The following THSD7B variants were observed in gnomAD, a reference collection of about 807,000 sequenced individuals.
THSD7B encodes the protein thrombospondin type 1 domain containing 7B.
Under a neutral mutation model 213.6 loss-of-function variants are expected in THSD7B, and 138 were observed. The observed-to-expected ratio is 0.65, with a 90% CI of 0.56 to 0.74. The LOEUF is 0.74. Ranked by LOEUF, THSD7B falls within the 30% of genes least tolerant of loss-of-function variation. THSD7B has a pLI of 0.00. For missense variants in THSD7B, 1,931 were observed against 1,991.5 expected, an observed-to-expected ratio of 0.97 and a Z score of 0.58; for synonymous variants, 742 against 687.0, an observed-to-expected ratio of 1.08 and a Z score of -1.25.
intron 1 of THSD7B, among the ~76,000 whole-genome samples, chr2:136,776,873 C>T (rs1022427651): frequency 4.6e-5 from 7 of 152,064 alleles, no homozygotes; most frequent in African/African-American, 1.7e-4. Context: ...CACACACACA[C>T]ATACAACCAG....
intron 2 of THSD7B, among the ~76,000 whole-genome samples, chr2:136,905,044 C>A (rs559884927): frequency 2.7e-4 from 41 of 152,292 alleles, no homozygotes; most frequent in African/African-American, 9.9e-4. Flanking sequence ...CTGTGTAATG[C>A]GATCCTCATG....
chr2:137,185,045 A>T (rs1171308196), intron 7 of THSD7B, among the ~76,000 whole-genome samples: 1 of 152,172 alleles, frequency 6.6e-6, no homozygotes, highest in African/African-American at 2.4e-5. Context: ...GTGGACAGCT[A>T]CATTATGGAG....
chr2:137,451,573 G>C (rs1010349285), intron 15 of THSD7B, among the ~76,000 whole-genome samples: 1 of 151,852 alleles, frequency 6.6e-6, no homozygotes, highest in Non-Finnish European at 1.5e-5. Flanking sequence ...AAAAATCATA[G>C]ATATTTTCAT....
intron 2 of THSD7B, among the ~76,000 whole-genome samples, chr2:136,959,371 T>C (rs1001057220): frequency 2.0e-5 from 3 of 152,216 alleles, no homozygotes; most frequent in Non-Finnish European, 4.4e-5. Context: ...TTATAGCATA[T>C]GTCAAAGTCA....
At chr2:137,373,685 A>C (rs1384698402) in intron 12 of THSD7B, among the ~76,000 whole-genome samples, 1 of 152,198 alleles carries the variant, frequency 6.6e-6, no homozygotes, top group Non-Finnish European at 1.5e-5. Context: ...TTTGCTGTGC[A>C]GAAGCTCTTT....
chr2:136,864,627 ACTG>A (rs1456686023), intron 1 of THSD7B, among the ~76,000 whole-genome samples: 4 of 151,462 alleles, frequency 2.6e-5, no homozygotes, highest in Admixed American at 2.0e-4. Flanking sequence ...ATCTCAGCTC[ACTG>A]CAAGCTCCAC....
At chr2:137,332,107 C>T (rs1453260434) in intron 12 of THSD7B, among the ~76,000 whole-genome samples, 1 of 152,106 alleles carries the variant, frequency 6.6e-6, no homozygotes. Flanking sequence ...AGTGGAAGCC[C>T]AGGCAGAGGA....
At chr2:136,828,622 G>A (rs369361369) in intron 1 of THSD7B, among the ~76,000 whole-genome samples, 65 of 152,268 alleles carry the variant, frequency 4.3e-4, no homozygotes, top group East Asian at 1.4e-3. Context: ...CTTGTGCTCC[G>A]TGCTTTTTGC....
In THSD7B at chr2:137,272,507, A is replaced by G. The variant is rs1416036818; in HGVS notation, c.2267-26A>G. ...CTGCATCAACATAAAAGGGCACTAT[A>G]TAATTTTCTTTTTCCTTTACTTCAG... On this transcript the variant is annotated intron_variant, in intron 10 of 27. Transcript: ENST00000409968. 3.8e-6 allele frequency: 6 copies of G among 1,587,736 alleles called. No homozygotes were observed. The African/African-American group carries it at 5.5e-5, about 14-fold the overall frequency.
chr2:137,223,578 C>T (rs6430696), intron 7 of THSD7B, among the ~76,000 whole-genome samples: 62,013 of 151,936 alleles, frequency 0.41, 12,784 homozygotes, highest in Middle Eastern at 0.49. Context: ...AACAAGTTGG[C>T]GTTATTTTTA....
At chr2:136,802,496 T>C (rs1028184099) in intron 1 of THSD7B, among the ~76,000 whole-genome samples, 5 of 151,594 alleles carry the variant, frequency 3.3e-5, no homozygotes, top group African/African-American at 1.2e-4. Context: ...TCTCCCCAAG[T>C]TGGCCCTCCT....
At chr2:136,970,520 A>C (rs1685388723) in intron 2 of THSD7B, among the ~76,000 whole-genome samples, 1 of 152,138 alleles carries the variant, frequency 6.6e-6, no homozygotes, top group Admixed American at 6.6e-5. Flanking sequence ...GAGTATAAGA[A>C]AGTATACAAA....
chr2:137,674,876 C>T (rs1425836992), intron 27 of THSD7B, among the ~76,000 whole-genome samples: 1 of 152,106 alleles, frequency 6.6e-6, no homozygotes, highest in Non-Finnish European at 1.5e-5. Context: ...TCTGCCAAAA[C>T]CATTTTTAAT....
intron 7 of THSD7B, among the ~76,000 whole-genome samples, chr2:137,212,925 T>C (rs184649040): frequency 1.5e-3 from 225 of 151,212 alleles, no homozygotes; most frequent in African/African-American, 4.7e-3. Flanking sequence ...TAGTTGATAC[T>C]GGATAAAAGT....
chr2:137,420,636 G>A lies in THSD7B; in HGVS notation c.2959+8764G>A, dbSNP rs372138174. Among the ~76,000 whole-genome samples the A allele has an allele frequency of 4.9e-4, 75 of 152,248 alleles. 6 individuals carry two copies. The South Asian group carries it at 0.015, about 31-fold the overall frequency. ...CTTCATCACTCTATCATCACAAACA[G>A]CTGGCAGAGTGTCAGCAAATCACAC... On this transcript the variant is annotated intron_variant, in intron 14 of 27. Transcript: ENST00000409968.
intron 5 of THSD7B, among the ~76,000 whole-genome samples, chr2:137,150,296 G>A (rs936953599): frequency 6.6e-6 from 1 of 151,818 alleles, no homozygotes; most frequent in African/African-American, 2.4e-5. Context: ...CATGAGATTT[G>A]GGAGGGGCCA....
chr2:137,528,372 C>T (rs149806670), intron 15 of THSD7B, among the ~76,000 whole-genome samples: 3 of 152,180 alleles, frequency 2.0e-5, no homozygotes, highest in African/African-American at 7.2e-5. Flanking sequence ...GTTTCCTCAT[C>T]TGTTAAGTAC....
intron 10 of THSD7B, among the ~76,000 whole-genome samples, chr2:137,249,913 A>G (rs1026382593): frequency 1.3e-5 from 2 of 152,248 alleles, no homozygotes; most frequent in Admixed American, 6.5e-5. Flanking sequence ...GACATGTGCT[A>G]TCTCATAAAT....
intron 12 of THSD7B, among the ~76,000 whole-genome samples, chr2:137,378,220 A>G (rs1277399215): frequency 6.6e-6 from 1 of 152,204 alleles, no homozygotes. Flanking sequence ...ATTGCTGACA[A>G]TGTCTTAAAG....
Sources: allele counts gnomAD v4.1 joint callset (sites outside exome capture counted in the v4.1 genomes callset), GRCh38; gene constraint gnomAD v4.1.1; transcripts MANE v1.5; gene names NCBI Gene and HGNC (gene_info 2026-07-23, HGNC 2026-07-21).